The following HYDIN variants were observed in gnomAD, a reference collection of about 807,000 sequenced individuals.
The protein encoded by HYDIN is HYDIN axonemal central pair apparatus protein.
HYDIN carries 132 observed loss-of-function variants against 403.9 expected under a neutral mutation model. The ratio of observed to expected loss-of-function variants is 0.33; its 90% confidence interval spans 0.28 to 0.38. The LOEUF is 0.38. HYDIN is among the 10% of genes least tolerant of loss of function. The pLI is 1.00. For missense variants in HYDIN, 2,827 were observed against 5,009.5 expected, an observed-to-expected ratio of 0.56 and a Z score of 13.15; for synonymous variants, 1,202 against 1,891.7, an observed-to-expected ratio of 0.64 and a Z score of 9.46.
chr16:71,213,798 T>C (rs1046594039), intron 1 of HYDIN, among the ~76,000 whole-genome samples: 1 of 152,080 alleles, frequency 6.6e-6, no homozygotes, highest in Non-Finnish European at 1.5e-5. Context: ...ATAATGCATA[T>C]CTACAATGTA....
intron 4 of HYDIN, among the ~76,000 whole-genome samples, chr16:71,178,434 A>AAATATATATATATAT (rs1555501894): frequency 1.1e-5 from 1 of 94,572 alleles, no homozygotes; most frequent in African/African-American, 4.6e-5. Context: ...AAAAAAAAAA[A>AAATATATATATATAT]ATATATATAT....
intron 23 of HYDIN, among the ~76,000 whole-genome samples, chr16:71,003,257 G>T (rs1344273836): frequency 5.3e-5 from 8 of 152,084 alleles, no homozygotes; most frequent in African/African-American, 1.9e-4. Context: ...GGATCAACCT[G>T]TCAGGATTCT....
intron 67 of HYDIN, among the ~76,000 whole-genome samples, 172 bp from the exon 68 acceptor site, chr16:70,863,354 A>G (rs1458352866): frequency 6.6e-6 from 1 of 152,174 alleles, no homozygotes; most frequent in Non-Finnish European, 1.5e-5. Flanking sequence ...CATATGATAT[A>G]CTCGAACAAG....
intron 65 of HYDIN, among the ~76,000 whole-genome samples, chr16:70,870,398 GA>G (rs1359761726): frequency 6.6e-6 from 1 of 151,894 alleles, no homozygotes; most frequent in African/African-American, 2.4e-5. Flanking sequence ...GGCCTGGGAG[GA>G]AAAAATGGTT....
chr16:70,900,916 G>C (rs1322671474), intron 53 of HYDIN, 88 bp downstream of exon 53: 4 of 103,426 alleles, frequency 3.9e-5, no homozygotes, highest in South Asian at 2.1e-4. Context: ...GGAGACCTCT[G>C]TGTGTGTGTG....
At chr16:70,856,088 T>C (rs1297093588) in intron 72 of HYDIN, among the ~76,000 whole-genome samples, 1 of 146,196 alleles carries the variant, frequency 6.8e-6, no homozygotes, top group East Asian at 1.9e-4. Flanking sequence ...AGGTCTTTTT[T>C]GTGCATGTCT....
Position 70,803,407 on chromosome 16 carries a change from C to T in HYDIN, c.*4173G>A, listed in dbSNP as rs557316177. Among the ~76,000 whole-genome samples, 1 of 152,326 alleles carries T rather than the reference C, an allele frequency of 6.6e-6. No homozygotes were observed. The highest frequency in any genetic ancestry group is 1.9e-4 in the East Asian group (1 of 5,188). ...GCTACCCTTGCCTTCCACCCTTGTTCCTCTTCTCTGACCTGTGACCATTCC... is the reference window on the plus strand; with the variant it reads ...GCTACCCTTGCCTTCCACCCTTGTTTCTCTTCTCTGACCTGTGACCATTCC... On this transcript the variant is annotated 3_prime_UTR_variant, in exon 86 of 86. Transcript: ENST00000393567.
chr16:70,845,699 T>A (rs200234610), intron 75 of HYDIN, among the ~76,000 whole-genome samples: 3 of 137,324 alleles, frequency 2.2e-5, no homozygotes, highest in Non-Finnish European at 4.5e-5. Context: ...TAAACTATTG[T>A]TTATTGCCAC....
At chr16:70,881,223 T>C (rs1369866073) in intron 60 of HYDIN, among the ~76,000 whole-genome samples, 1 of 103,670 alleles carries the variant, frequency 9.6e-6, no homozygotes, top group Non-Finnish European at 1.8e-5. Context: ...TGAGACTGTC[T>C]CAAAAAAAAA....
intron 11 of HYDIN, among the ~76,000 whole-genome samples, chr16:71,089,846 TA>T (rs1358659584): frequency 6.7e-6 from 1 of 148,232 alleles, no homozygotes; most frequent in Middle Eastern, 3.2e-3. Context: ...ACAGCATATT[TA>T]TAATAAATGA....
chr16:71,179,190 A>G (rs372736969), intron 3 of HYDIN, 143 bp from the exon 4 acceptor site: 9 of 550,662 alleles, frequency 1.6e-5, no homozygotes, highest in East Asian at 1.2e-4. Context: ...CAAGTACATC[A>G]TTGTAAAAGC....
chr16:70,890,250 T>G (rs1162569256), intron 57 of HYDIN, among the ~76,000 whole-genome samples: 1 of 152,248 alleles, frequency 6.6e-6, no homozygotes, highest in Non-Finnish European at 1.5e-5. Flanking sequence ...CTGAAATGCA[T>G]CTTAAACTTT....
chr16:71,223,227 G>T (rs780093805), intron 1 of HYDIN, among the ~76,000 whole-genome samples: 24 of 152,148 alleles, frequency 1.6e-4, no homozygotes, highest in Non-Finnish European at 2.6e-4. Context: ...TTGGAGAAAG[G>T]ACACCCTATG....
intron 1 of HYDIN, among the ~76,000 whole-genome samples, chr16:71,194,643 T>C (rs2087603065): frequency 6.6e-6 from 1 of 152,232 alleles, no homozygotes; most frequent in Admixed American, 6.5e-5. Context: ...CAAAACTTAA[T>C]GTTAAAAACA....
At chr16:71,039,855 C>T (rs950952209) in intron 18 of HYDIN, among the ~76,000 whole-genome samples, 3 of 152,256 alleles carry the variant, frequency 2.0e-5, no homozygotes, top group African/African-American at 4.8e-5. Flanking sequence ...AAGGCTGTCA[C>T]ACTGGCCCTT....
intron 1 of HYDIN, among the ~76,000 whole-genome samples, chr16:71,213,583 C>A (rs1160744341): frequency 6.6e-6 from 1 of 151,964 alleles, no homozygotes; most frequent in African/African-American, 2.4e-5. Context: ...GAATACTAAT[C>A]CAGCAATAAC....
chr16:71,027,219 A>G, intron 20 of HYDIN: 1 of 1,118,070 alleles, frequency 8.9e-7, no homozygotes, highest in Non-Finnish European at 1.1e-6. Flanking sequence ...ATACCTGAAT[A>G]GGAGAGGCAG....
intron 23 of HYDIN, among the ~76,000 whole-genome samples, chr16:71,015,317 A>G (rs6499385): frequency 0.49 from 71,964 of 147,404 alleles, 15,673 homozygotes; most frequent in East Asian, 0.77. Flanking sequence ...AAACCAATGA[A>G]AAATTAAGTG....
At chr16:70,947,318 T>C (rs1241156038) in intron 41 of HYDIN, among the ~76,000 whole-genome samples, 8 of 151,208 alleles carry the variant, frequency 5.3e-5, no homozygotes, top group African/African-American at 1.2e-4. Flanking sequence ...TTGTCTTTGG[T>C]TCTGTTTATA....
Sources: allele counts gnomAD v4.1 joint callset (sites outside exome capture counted in the v4.1 genomes callset), GRCh38; gene constraint gnomAD v4.1.1; transcripts MANE v1.5; gene names NCBI Gene and HGNC (gene_info 2026-07-23, HGNC 2026-07-21).